The following CAAP1 variants were observed in gnomAD, a reference collection of about 807,000 sequenced individuals.
CAAP1 encodes the protein conserved anti-apoptotic protein.
In CAAP1, 20 loss-of-function variants were observed where a neutral mutation model predicts 34.0. The observed-to-expected ratio is 0.59, with a 90% CI of 0.41 to 0.86. CAAP1 has a LOEUF of 0.86. CAAP1 is among the 40% of genes least tolerant of loss of function. The probability of loss-of-function intolerance (pLI) is 0.00; values close to 1 mark genes in which losing one functional copy is unlikely to be tolerated. For synonymous variants in CAAP1, 213 were observed against 166.7 expected, an observed-to-expected ratio of 1.28 and a Z score of -2.14; for missense variants, 538 against 450.5, an observed-to-expected ratio of 1.19 and a Z score of -1.76.
At chr9:26,875,740 C>T (rs1450388149) in intron 4 of CAAP1, among the ~76,000 whole-genome samples, 1 of 151,740 alleles carries the variant, frequency 6.6e-6, no homozygotes, top group African/African-American at 2.4e-5. Context: ...TAAAGAACGG[C>T]AGCAGTCAGC....
intron 5 of CAAP1, among the ~76,000 whole-genome samples, chr9:26,858,206 C>G (rs1424545547): frequency 6.6e-6 from 1 of 152,160 alleles, no homozygotes; most frequent in Non-Finnish European, 1.5e-5. Flanking sequence ...ACAAAAATAG[C>G]TAGTTATGCA....
At chr9:26,870,813 C>T (rs1173472835) in intron 4 of CAAP1, among the ~76,000 whole-genome samples, 1 of 151,944 alleles carries the variant, frequency 6.6e-6, no homozygotes, top group South Asian at 2.1e-4. Flanking sequence ...GATGGGGTTT[C>T]ACCATGTTAG....
chr9:26,877,955 TTC>T (rs1823485262), intron 4 of CAAP1, among the ~76,000 whole-genome samples: 1 of 152,082 alleles, frequency 6.6e-6, no homozygotes, highest in Non-Finnish European at 1.5e-5. Flanking sequence ...ATGTTTCATT[TTC>T]TCTTTCTAGG....
intron 5 of CAAP1, among the ~76,000 whole-genome samples, chr9:26,847,207 T>A (rs1822635008): frequency 5.3e-5 from 4 of 75,568 alleles, no homozygotes; most frequent in African/African-American, 2.2e-4. Flanking sequence ...TATTTTTTTT[T>A]TTTTTTTTTT....
intron 4 of CAAP1, among the ~76,000 whole-genome samples, chr9:26,878,529 C>A (rs1251885867): frequency 6.6e-6 from 1 of 152,186 alleles, no homozygotes; most frequent in Non-Finnish European, 1.5e-5. Flanking sequence ...CTGGCCCATT[C>A]AATTCTATCT....
At chr9:26,857,032 C>CAA (rs1194246305) in intron 5 of CAAP1, among the ~76,000 whole-genome samples, 3 of 152,196 alleles carry the variant, frequency 2.0e-5, no homozygotes, top group African/African-American at 7.2e-5. Flanking sequence ...GTAAACTTAA[C>CAA]ATTAGCAGAT....
intron 4 of CAAP1, among the ~76,000 whole-genome samples, chr9:26,883,973 T>A (rs1341235066): frequency 6.6e-6 from 1 of 152,174 alleles, no homozygotes; most frequent in Non-Finnish European, 1.5e-5. Context: ...ATGAAAAAAT[T>A]CTGTATTTCT....
rs1253277928 is a variant in CAAP1, at chr9:26,840,847, A to C, written c.*1454T>G. On this transcript the variant is annotated 3_prime_UTR_variant, in exon 6 of 6. Coordinates refer to ENST00000333916, the MANE Select transcript of CAAP1 (RefSeq NM_024828.4). ...TATTAACTATTACTTTTAAGTTGAA[A>C]TAGAAAAATTATATCACTGTCTTTT... 6.6e-6 allele frequency: 1 copy of C among 152,252 alleles called. No homozygotes were observed. Among genetic ancestry groups the C allele is most frequent in the Non-Finnish European group, 1.5e-5 (1 of 68,038 alleles). 9.4% of individuals were successfully genotyped at this position (152,252 alleles called of 1,614,324 possible).
intron 4 of CAAP1, among the ~76,000 whole-genome samples, chr9:26,863,852 AGT>A (rs1563884446): frequency 6.6e-6 from 1 of 150,544 alleles, no homozygotes; most frequent in African/African-American, 2.4e-5. Context: ...GCTGGAGTGC[AGT>A]GATCACAGCT....
At chr9:26,861,441 A>T (rs958622588) in intron 4 of CAAP1, among the ~76,000 whole-genome samples, 1 of 152,212 alleles carries the variant, frequency 6.6e-6, no homozygotes, top group African/African-American at 2.4e-5. Flanking sequence ...CTGATAGGAG[A>T]AATCACAACT....
chr9:26,855,132 T>C (rs1176336747), intron 5 of CAAP1, among the ~76,000 whole-genome samples: 1 of 152,214 alleles, frequency 6.6e-6, no homozygotes, highest in Non-Finnish European at 1.5e-5. Context: ...TGTACATCCA[T>C]GCAATGGAAA....
At chr9:26,882,520 C>A (rs1177092739) in intron 4 of CAAP1, among the ~76,000 whole-genome samples, 2 of 152,240 alleles carry the variant, frequency 1.3e-5, no homozygotes, top group East Asian at 1.9e-4. Context: ...GAAACACCTA[C>A]ATGTCCAGGC....
chr9:26,864,457 C>G (rs968706016), intron 4 of CAAP1, among the ~76,000 whole-genome samples: 2 of 152,086 alleles, frequency 1.3e-5, no homozygotes, highest in African/African-American at 4.8e-5. Context: ...CTTCCTCAGA[C>G]AGCAAAATTT....
intron 5 of CAAP1, among the ~76,000 whole-genome samples, chr9:26,852,495 G>A (rs1822776172): frequency 6.6e-6 from 1 of 151,982 alleles, no homozygotes; most frequent in African/African-American, 2.4e-5. Flanking sequence ...AGAGAAGAGG[G>A]GAGGTGAACA....
In CAAP1 at chr9:26,864,614, C is replaced by T. The variant is rs117506295; in HGVS notation, c.666-3475G>A. Among the ~76,000 whole-genome samples, 1,162 of 152,332 alleles carry T rather than the reference C, an allele frequency of 7.6e-3. 10 individuals are homozygous for T. The highest frequency in any genetic ancestry group is 0.015 in the Admixed American group (227 of 15,306). ...ATATAAACTGTCCCCCACCCTGCGA[C>T]TCCAAGATTTTGTGAATAGGCATTT... On this transcript the variant is annotated intron_variant, in intron 4 of 5. Coordinates refer to ENST00000333916, the MANE Select transcript of CAAP1 (RefSeq NM_024828.4).
chr9:26,846,982 C>T (rs147029343), intron 5 of CAAP1, among the ~76,000 whole-genome samples: 3 of 151,918 alleles, frequency 2.0e-5, no homozygotes, highest in African/African-American at 7.3e-5. Flanking sequence ...CCACTGCGCC[C>T]GGCCAATTTT....
intron 5 of CAAP1, among the ~76,000 whole-genome samples, chr9:26,856,286 C>T (rs1214437280): frequency 6.6e-6 from 1 of 151,892 alleles, no homozygotes; most frequent in Non-Finnish European, 1.5e-5. Flanking sequence ...ATTTTATATA[C>T]CATTTAATTA....
chr9:26,877,499 T>C (rs1823470976), intron 4 of CAAP1, among the ~76,000 whole-genome samples: 1 of 152,230 alleles, frequency 6.6e-6, no homozygotes, highest in African/African-American at 2.4e-5. Context: ...ATATCATCTC[T>C]ACATTCCTGC....
chr9:26,869,513 G>A (rs1303395805), intron 4 of CAAP1, among the ~76,000 whole-genome samples: 3 of 150,436 alleles, frequency 2.0e-5, no homozygotes, highest in Non-Finnish European at 4.4e-5. Context: ...TCTGAATGTG[G>A]AAAAAAAAAC....
Sources: gnomAD v4.1 joint callset for allele counts (sites outside exome capture counted in the v4.1 genomes callset) on GRCh38, gnomAD v4.1.1 for gene constraint, MANE v1.5 for transcripts, NCBI Gene and HGNC (gene_info 2026-07-23, HGNC 2026-07-21) for gene names.